Variants in AGBL1 observed in about 807,000 individuals in gnomAD.
AGBL1 encodes AGBL carboxypeptidase 1.
AGBL1 carries 130 observed loss-of-function variants against 118.9 expected under a neutral mutation model. That is an observed-to-expected ratio of 1.09 (90% CI 0.95 to 1.26). The LOEUF (loss-of-function observed/expected upper bound fraction) is 1.26. Ranked by LOEUF, AGBL1 falls within the 50% of genes most tolerant of loss-of-function variation. AGBL1 has a pLI of 0.00. For synonymous variants in AGBL1, 555 were observed against 478.9 expected, an observed-to-expected ratio of 1.16 and a Z score of -2.08; for missense variants, 1,584 against 1,298.1, an observed-to-expected ratio of 1.22 and a Z score of -3.38.
intron 15 of AGBL1, among the ~76,000 whole-genome samples, chr15:86,278,474 A>AT (rs2079294303): frequency 1.2e-5 from 1 of 84,964 alleles, no homozygotes; most frequent in African/African-American, 7.1e-5. Flanking sequence ...ACCATGAGAA[A>AT]TAAAAAAACA....
At chr15:86,374,299 G>C (rs1014911532) in intron 17 of AGBL1, among the ~76,000 whole-genome samples, 2 of 152,196 alleles carry the variant, frequency 1.3e-5, no homozygotes, top group African/African-American at 2.4e-5. Context: ...CAAAGCCTAT[G>C]AAGATAAGTG....
intron 5 of AGBL1, among the ~76,000 whole-genome samples, chr15:86,183,644 C>G (rs1008226537): frequency 2.0e-5 from 3 of 152,190 alleles, no homozygotes; most frequent in African/African-American, 7.2e-5. Context: ...AAGAGCCAGC[C>G]TCAGACCTCT....
At chr15:86,697,708 G>T (rs1232995610) in intron 22 of AGBL1, among the ~76,000 whole-genome samples, 1 of 151,666 alleles carries the variant, frequency 6.6e-6, no homozygotes, top group African/African-American at 2.4e-5. Flanking sequence ...CTTTTCATTT[G>T]GGTGGGCTAT....
At chr15:86,523,865 T>A (rs1393610433) in intron 19 of AGBL1, among the ~76,000 whole-genome samples, 1 of 152,166 alleles carries the variant, frequency 6.6e-6, no homozygotes, top group Non-Finnish European at 1.5e-5. Context: ...AGTAACCATA[T>A]GAAAATGCTC....
At chr15:86,641,006 ATTC>A (rs1475674541) in intron 21 of AGBL1, among the ~76,000 whole-genome samples, 1 of 150,852 alleles carries the variant, frequency 6.6e-6, no homozygotes, top group Non-Finnish European at 1.5e-5. Flanking sequence ...ATTTGCATTT[ATTC>A]TTCTGTGAAT....
intron 21 of AGBL1, among the ~76,000 whole-genome samples, chr15:86,633,103 A>G (rs1456583121): frequency 6.6e-6 from 1 of 152,044 alleles, no homozygotes; most frequent in Non-Finnish European, 1.5e-5. Flanking sequence ...AGAATTCAGA[A>G]CAATAAAGAC....
At chr15:86,565,313 T>C (rs1722203578) in intron 21 of AGBL1, among the ~76,000 whole-genome samples, 1 of 152,234 alleles carries the variant, frequency 6.6e-6, no homozygotes, top group South Asian at 2.1e-4. Flanking sequence ...GGTTTTGGTG[T>C]GGATATCCTT....
At chr15:86,215,053 C>T (rs1007376195) in intron 5 of AGBL1, among the ~76,000 whole-genome samples, 2 of 152,148 alleles carry the variant, frequency 1.3e-5, no homozygotes, top group Admixed American at 6.5e-5. Context: ...GGTTCCATTT[C>T]TGCACCATAT....
intron 22 of AGBL1, among the ~76,000 whole-genome samples, chr15:86,795,492 T>G (rs565992856): frequency 2.6e-5 from 4 of 152,060 alleles, no homozygotes; most frequent in Admixed American, 2.0e-4. Flanking sequence ...CAATGTGATG[T>G]TCAGGAGTTC....
At chr15:86,704,627 G>C (rs2086416194) in intron 22 of AGBL1, among the ~76,000 whole-genome samples, 1 of 152,132 alleles carries the variant, frequency 6.6e-6, no homozygotes, top group Non-Finnish European at 1.5e-5. Context: ...AAAAAGTCAG[G>C]AAACAACAGA....
chr15:86,363,304 A>G (rs2080834226), intron 17 of AGBL1, among the ~76,000 whole-genome samples: 1 of 152,132 alleles, frequency 6.6e-6, no homozygotes, highest in South Asian at 2.1e-4. Context: ...ATTTAGACAT[A>G]CTACTCTTTC....
At chr15:86,224,792 C>T (rs1291755357) in intron 5 of AGBL1, 122 bp from the exon 6 acceptor site, 8 of 875,556 alleles carry the variant, frequency 9.1e-6, no homozygotes, top group Admixed American at 8.2e-5. Flanking sequence ...CAATAGATTG[C>T]CTGCTACCTG....
chr15:86,780,755 C>T (rs1371034559), intron 22 of AGBL1, among the ~76,000 whole-genome samples: 1 of 151,676 alleles, frequency 6.6e-6, no homozygotes, highest in Non-Finnish European at 1.5e-5. Flanking sequence ...CTTCCACCTC[C>T]CGGGTTCAAG....
At chr15:86,648,658 C>T (rs1480343284) in intron 21 of AGBL1, among the ~76,000 whole-genome samples, 1 of 152,152 alleles carries the variant, frequency 6.6e-6, no homozygotes, top group Non-Finnish European at 1.5e-5. Flanking sequence ...TTGACTTATT[C>T]CTGGGACCTT....
intron 18 of AGBL1, among the ~76,000 whole-genome samples, chr15:86,481,505 G>A (rs1374150397): frequency 2.0e-5 from 3 of 152,004 alleles, no homozygotes; most frequent in African/African-American, 7.2e-5. Flanking sequence ...GTTGAGCTTG[G>A]GTTGGAATAT....
At chr15:86,407,820 C>T (rs115507357) in intron 18 of AGBL1, among the ~76,000 whole-genome samples, 2,311 of 152,228 alleles carry the variant, frequency 0.015, 26 homozygotes, top group Middle Eastern at 0.065. Flanking sequence ...GATTTATGAT[C>T]GTGGGACTCT....
chr15:86,684,134 A>G lies in AGBL1; in HGVS notation c.3158+9698A>G, dbSNP rs113221370. Among the ~76,000 whole-genome samples the G allele has an allele frequency of 4.2e-3, 640 of 152,236 alleles. 5 individuals carry two copies. The highest frequency in any genetic ancestry group is 0.014 in the African/African-American group (587 of 41,574). On this transcript the variant is annotated intron_variant, in intron 22 of 22. Coordinates refer to ENST00000614907, the MANE Select transcript of AGBL1 (RefSeq NM_001386094.1). ...AGGGAGGGAGGCTAATGAACAGGAGAAGAAATCAAGGCATTTGAACTAACA... is the reference window on the plus strand; with the variant it reads ...AGGGAGGGAGGCTAATGAACAGGAGGAGAAATCAAGGCATTTGAACTAACA...
chr15:86,553,866 C>CTT lies in AGBL1; in HGVS notation c.2818-484_2818-483dup, dbSNP rs10708716. 9.6e-4 allele frequency among the ~76,000 whole-genome samples: 143 copies of CTT among 149,072 alleles called. 1 individual carries two copies. The highest frequency in any genetic ancestry group is 3.4e-3 in the African/African-American group (137 of 40,586). ...CTGGACTTCAGCTATTTATTTCTAA[C>CTT]TTTTTTTTTTTTGATATGCTGTCTC... is the stretch of plus-strand genomic sequence containing the variant. On this transcript the variant is annotated intron_variant, in intron 20 of 22. Transcript: ENST00000614907.
At chr15:86,143,894 T>C in intron 3 of AGBL1, 49 bp downstream of exon 3, 2 of 1,592,508 alleles carry the variant, frequency 1.3e-6, no homozygotes, top group Non-Finnish European at 1.7e-6. Flanking sequence ...ACTTCTAGGG[T>C]TGTTATCATG....
Sources: allele counts gnomAD v4.1 joint callset (sites outside exome capture counted in the v4.1 genomes callset), GRCh38; gene constraint gnomAD v4.1.1; transcripts MANE v1.5; gene names NCBI Gene and HGNC (gene_info 2026-07-23, HGNC 2026-07-21).